Variants in IPP observed in about 807,000 individuals in gnomAD.
The protein encoded by IPP is intracisternal A particle-promoted polypeptide, also known as actin-binding protein IPP.
IPP carries 41 observed loss-of-function variants against 64.1 expected under a neutral mutation model. The observed-to-expected ratio is 0.64, with a 90% CI of 0.50 to 0.83. The LOEUF is 0.83. Ranked by LOEUF, IPP falls within the 40% of genes least tolerant of loss-of-function variation. IPP has a pLI of 0.00. For missense variants in IPP, 649 were observed against 703.0 expected, an observed-to-expected ratio of 0.92 and a Z score of 0.87; for synonymous variants, 214 against 235.2, an observed-to-expected ratio of 0.91 and a Z score of 0.83.
chr1:45,750,375 G>A (rs1646205306), intron 1 of IPP, among the ~76,000 whole-genome samples: 1 of 152,238 alleles, frequency 6.6e-6, no homozygotes, highest in African/African-American at 2.4e-5. Flanking sequence ...GGATTCCCCA[G>A]TTGGGGCGGG....
At chr1:45,725,424 AG>A (rs1476192623) in intron 5 of IPP, among the ~76,000 whole-genome samples, 1 of 143,100 alleles carries the variant, frequency 7.0e-6, no homozygotes, top group Non-Finnish European at 1.5e-5. Context: ...GGAAGTGAGG[AG>A]CCCCTCTGCC....
At chr1:45,744,027 A>T (rs1235034758) in intron 2 of IPP, among the ~76,000 whole-genome samples, 2 of 152,152 alleles carry the variant, frequency 1.3e-5, no homozygotes, top group African/African-American at 4.8e-5. Context: ...CAAAAAAAAA[A>T]AAAAGAGTAA....
chr1:45,705,308 G>A lies in IPP; in HGVS notation c.1531-5118C>T, dbSNP rs79087618. ...AATAAGGCTTCTTGAAGAAATGGCT[G>A]ATTCCAGGGCTAAAGCAGAAAAAGT... On this transcript the variant is annotated intron_variant, in intron 8 of 8. Coordinates refer to ENST00000396478, the MANE Select transcript of IPP (RefSeq NM_005897.3). 5.6e-4 allele frequency among the ~76,000 whole-genome samples: 85 copies of A among 152,366 alleles called. No individual in the cohort carries two copies. In the East Asian group the frequency reaches 0.013, roughly 23 times the overall value.
intron 1 of IPP, among the ~76,000 whole-genome samples, chr1:45,749,021 G>A (rs1646179739): frequency 6.6e-6 from 1 of 151,780 alleles, no homozygotes; most frequent in Non-Finnish European, 1.5e-5. Flanking sequence ...CATGTATTTG[G>A]CCCTACACAG....
At chr1:45,731,947 G>T (rs1425761694) in intron 3 of IPP, among the ~76,000 whole-genome samples, 1 of 150,056 alleles carries the variant, frequency 6.7e-6, no homozygotes, top group Non-Finnish European at 1.5e-5. Flanking sequence ...GGGGGAAAAA[G>T]AAAAAAAGTA....
intron 3 of IPP, among the ~76,000 whole-genome samples, chr1:45,732,519 ATT>A (rs1645924287): frequency 6.6e-6 from 1 of 152,148 alleles, no homozygotes; most frequent in African/African-American, 2.4e-5. Context: ...TGAAAATCAA[ATT>A]ACTGATGTGG....
chr1:45,703,037 G>T (rs567348051), intron 8 of IPP, among the ~76,000 whole-genome samples: 2 of 151,298 alleles, frequency 1.3e-5, no homozygotes, highest in Non-Finnish European at 3.0e-5. Flanking sequence ...GGAAAACAAT[G>T]AAAAAAAATG....
chr1:45,729,483 A>G lies in IPP; in HGVS notation c.880+131T>C. Reference sequence around the variant, plus strand: ...TGCAGTTTATAAATCTGTAGTCTGTATGTGAAATTAAATATGCCTCTTCAA... The same window carrying G: ...TGCAGTTTATAAATCTGTAGTCTGTGTGTGAAATTAAATATGCCTCTTCAA... On this transcript the variant is annotated intron_variant, in intron 4 of 8. Transcript: ENST00000396478. The G allele has an allele frequency of 2.9e-6, 2 of 678,210 alleles. 1 individual carries two copies. The highest frequency in any genetic ancestry group is 3.5e-5 in the South Asian group (2 of 56,992). The allele number at this position is 678,210 out of a possible 1,614,324, so 42.0% of individuals were successfully genotyped here. A position where few individuals can be genotyped will look rare whatever the true frequency, so the allele number is the denominator to read the frequency against.
downstream of IPP, among the ~76,000 whole-genome samples, chr1:45,696,437 A>C (rs1372101048): frequency 6.6e-6 from 1 of 152,246 alleles, no homozygotes; most frequent in Non-Finnish European, 1.5e-5. Context: ...CTGATAAAGT[A>C]ATACAAAGAA....
Position 45,746,370 on chromosome 1 carries a change from A to C in IPP, c.42T>G (p.Phe14Leu). The change falls in exon 2 of 9, where the codon TTT becomes TTG. Residue 14 changes from phenylalanine to leucine, a missense_variant. Physicochemically the swap from Phe to Leu is conservative, Grantham distance 22. Coordinates refer to ENST00000396478, the MANE Select transcript of IPP (RefSeq NM_005897.3). ...TGAGTTGGGCATGTTTATCTGATGA[A>C]AAAGGACTATCAGCAGCCTTGGGAC... ...EDCPKAADSP[F>L]SSDKHAQLIL... 6.2e-7 allele frequency: 1 copy of C among 1,613,998 alleles called. No individual in the cohort carries two copies. The highest frequency in any genetic ancestry group is 2.2e-5 in the East Asian group (1 of 44,886).
At chr1:45,729,531 T>C in intron 4 of IPP, 83 bp downstream of exon 4, 1 of 1,034,658 alleles carries the variant, frequency 9.7e-7, no homozygotes, top group Non-Finnish European at 1.5e-6. Context: ...TTCTGACATG[T>C]ATAGTAATAA....
At chr1:45,700,438 C>T (rs1293110784) in intron 8 of IPP, among the ~76,000 whole-genome samples, 1 of 152,064 alleles carries the variant, frequency 6.6e-6, no homozygotes, top group Non-Finnish European at 1.5e-5. Flanking sequence ...ACCTCCCAGA[C>T]TCAAGAGCTC....
chr1:45,719,136 C>A, intron 6 of IPP, 67 bp downstream of exon 6: 1 of 1,479,234 alleles, frequency 6.8e-7, no homozygotes, highest in South Asian at 1.2e-5. Flanking sequence ...TATTATGTAT[C>A]CACAAAAATG....
At chr1:45,694,820 A>C, downstream of IPP, 1 of 206,290 alleles carries the variant, frequency 4.8e-6, no homozygotes, top group Non-Finnish European at 9.7e-6. Flanking sequence ...CCACTAGTAC[A>C]TATAAATTAG....
intron 3 of IPP, 50 bp downstream of exon 3, chr1:45,740,851 A>G (rs751895191): frequency 3.4e-6 from 4 of 1,175,944 alleles, no homozygotes; most frequent in Non-Finnish European, 3.6e-6. Context: ...TTCAGAGAAC[A>G]CATCACTGGA....
intron 3 of IPP, among the ~76,000 whole-genome samples, chr1:45,735,621 ATTTTTTTT>A (rs1160000550): frequency 3.5e-5 from 2 of 57,438 alleles, no homozygotes; most frequent in Non-Finnish European, 6.3e-5. Flanking sequence ...AGACCTGGCT[ATTTTTTTT>A]TTTTTTTTTT....
downstream of IPP, chr1:45,694,469 G>A: frequency 6.5e-7 from 1 of 1,545,176 alleles, no homozygotes; most frequent in Non-Finnish European, 8.8e-7. Context: ...TGAAAAGAAT[G>A]CACATATTCT....
At chr1:45,721,363 C>G (rs1270290865) in intron 5 of IPP, among the ~76,000 whole-genome samples, 1 of 152,146 alleles carries the variant, frequency 6.6e-6, no homozygotes, top group Non-Finnish European at 1.5e-5. Context: ...TTGGTATGTG[C>G]TAGGAAGAAG....
chr1:45,731,092 G>T (rs1180566293), intron 3 of IPP, among the ~76,000 whole-genome samples: 1 of 152,198 alleles, frequency 6.6e-6, no homozygotes, highest in African/African-American at 2.4e-5. Flanking sequence ...CCTAAGTAAG[G>T]ATCTCAGCCC....
Sources: allele counts gnomAD v4.1 joint callset (sites outside exome capture counted in the v4.1 genomes callset), GRCh38; gene constraint gnomAD v4.1.1; transcripts MANE v1.5; gene names NCBI Gene and HGNC (gene_info 2026-07-23, HGNC 2026-07-21).